Variants in SNX24 observed in about 807,000 individuals in gnomAD.
SNX24 encodes sorting nexin 24.
SNX24 carries 22 observed loss-of-function variants against 28.7 expected under a neutral mutation model. The observed-to-expected ratio is 0.77, with a 90% CI of 0.55 to 1.10. The LOEUF is 1.10. Among genes scored for constraint, SNX24 ranks in the 50% least tolerant of loss-of-function variants. The pLI, the probability that SNX24 is intolerant of heterozygous loss-of-function variation, is 0.00. For synonymous variants in SNX24, 69 were observed against 71.5 expected (o/e 0.96, Z 0.18); for missense variants, 221 against 201.1 (o/e 1.10, Z -0.60).
In SNX24 at chr5:123,001,433, T is replaced by C. The variant is rs200085260; in HGVS notation, c.373T>C (p.Ser125Pro). ...TTTTGATGAAACAGAGTCTGAAGAG[T>C]CAAGGTAAGGACTAATCCTCATCAG... Reference protein sequence around the residue: ...GSFDETESEESSKLSHQPVLL... With the variant: ...GSFDETESEEPSKLSHQPVLL... The change falls in exon 5 of 7, where the codon TCA (serine) becomes CCA (proline). Residue 125 changes from serine to proline, a missense_variant. By Grantham distance (74) the Ser-to-Pro change is moderately conservative. Coordinates refer to ENST00000261369, the MANE Select transcript of SNX24 (RefSeq NM_014035.4). The C allele has an allele frequency of 7.2e-5, 116 of 1,605,366 alleles. No individual in the cohort carries two copies. Among genetic ancestry groups the C allele is most frequent in the Non-Finnish European group, 9.6e-5 (113 of 1,173,000 alleles).
intron 1 of SNX24, among the ~76,000 whole-genome samples, chr5:122,896,865 A>C (rs1757225804): frequency 6.6e-6 from 1 of 152,200 alleles, no homozygotes; most frequent in Admixed American, 6.5e-5. Context: ...CTTCAGCCAA[A>C]CATTGATCTT....
At chr5:122,925,223 C>G (rs1758636763) in intron 1 of SNX24, among the ~76,000 whole-genome samples, 2 of 103,626 alleles carry the variant, frequency 1.9e-5, no homozygotes, top group Admixed American at 1.0e-4. Flanking sequence ...TCCCCTCCCC[C>G]TTCCCTCCCT....
chr5:123,013,464 G>C (rs541768239), downstream of SNX24, among the ~76,000 whole-genome samples: 5 of 152,326 alleles, frequency 3.3e-5, no homozygotes, highest in African/African-American at 1.2e-4. Flanking sequence ...GGAAACACAG[G>C]GAAGTAGCAG....
intron 2 of SNX24, among the ~76,000 whole-genome samples, chr5:122,940,190 C>T (rs970862897): frequency 6.6e-5 from 10 of 152,016 alleles, no homozygotes; most frequent in African/African-American, 1.4e-4. Flanking sequence ...GACAGTGTTT[C>T]GCCATGTTGG....
intron 1 of SNX24, among the ~76,000 whole-genome samples, chr5:122,870,626 G>A (rs1169279783): frequency 6.6e-6 from 1 of 152,206 alleles, no homozygotes; most frequent in Non-Finnish European, 1.5e-5. Context: ...AATGACAAAC[G>A]CGTGTGCATG....
intron 1 of SNX24, among the ~76,000 whole-genome samples, chr5:122,882,379 A>G (rs188374636): frequency 1.4e-4 from 22 of 152,330 alleles, no homozygotes; most frequent in Admixed American, 9.8e-4. Flanking sequence ...TTTAGAGTAT[A>G]TGGTAGAGCC....
intron 1 of SNX24, among the ~76,000 whole-genome samples, chr5:122,897,563 G>C (rs1000892314): frequency 2.6e-5 from 4 of 152,122 alleles, no homozygotes; most frequent in Non-Finnish European, 5.9e-5. Context: ...TCAGGGGATG[G>C]AGTGGGGATT....
chr5:122,983,340 TTTCTC>T (rs1467847957), intron 3 of SNX24, among the ~76,000 whole-genome samples: 1 of 152,164 alleles, frequency 6.6e-6, no homozygotes, highest in Non-Finnish European at 1.5e-5. Context: ...CACCTTATAA[TTTCTC>T]TTCTCTTTTG....
intron 3 of SNX24, among the ~76,000 whole-genome samples, chr5:122,987,013 G>A (rs1761632358): frequency 6.6e-6 from 1 of 152,136 alleles, no homozygotes. Context: ...GATGGAAGGA[G>A]GGACGTTTTC....
At chr5:122,964,549 T>C (rs1278354577) in intron 3 of SNX24, among the ~76,000 whole-genome samples, 1 of 152,176 alleles carries the variant, frequency 6.6e-6, no homozygotes, top group African/African-American at 2.4e-5. Flanking sequence ...TATAATGCTT[T>C]GTAAATTCCT....
chr5:123,010,399 C>G (rs947977253), downstream of SNX24, among the ~76,000 whole-genome samples: 1 of 151,868 alleles, frequency 6.6e-6, no homozygotes, highest in Non-Finnish European at 1.5e-5. Context: ...CAAGCATTCT[C>G]TGCCTCAGTC....
At chr5:123,007,204 C>G (rs1042871042) in intron 6 of SNX24, among the ~76,000 whole-genome samples, 1 of 152,190 alleles carries the variant, frequency 6.6e-6, no homozygotes, top group Non-Finnish European at 1.5e-5. Context: ...TCTTACTGCT[C>G]TCTTTCGAAG....
At chr5:122,990,619 G>T (rs748696024) in intron 3 of SNX24, among the ~76,000 whole-genome samples, 1 of 152,210 alleles carries the variant, frequency 6.6e-6, no homozygotes, top group Non-Finnish European at 1.5e-5. Flanking sequence ...CATATGGGCT[G>T]TGCTAATTGT....
chr5:122,954,534 G>C (rs532792779), intron 3 of SNX24, among the ~76,000 whole-genome samples: 13 of 145,674 alleles, frequency 8.9e-5, no homozygotes, highest in South Asian at 4.3e-4. Flanking sequence ...TCTTTCTATT[G>C]TTCCCCCATT....
At chr5:122,942,118 G>T (rs1051762307) in intron 2 of SNX24, among the ~76,000 whole-genome samples, 1 of 152,220 alleles carries the variant, frequency 6.6e-6, no homozygotes, top group African/African-American at 2.4e-5. Flanking sequence ...AGTCTTTTCA[G>T]TGTGGCAAAC....
In SNX24 at chr5:122,898,538, G is replaced by A. The variant is rs555606588; in HGVS notation, c.61-38196G>A. On this transcript the variant is annotated intron_variant, in intron 1 of 6. Coordinates refer to ENST00000261369, the MANE Select transcript of SNX24 (RefSeq NM_014035.4). The stretch of plus-strand genomic sequence containing the variant: ...CACTATGGCAGCACTCTGAGTTTGT[G>A]TATAGGCAGAGCTCAGATTTTCTCC... Among the ~76,000 whole-genome samples, 62 of 152,302 alleles carry A rather than the reference G, an allele frequency of 4.1e-4. 1 individual carries two copies. The highest frequency in any genetic ancestry group is 3.5e-3 in the South Asian group (17 of 4,826).
intron 5 of SNX24, among the ~76,000 whole-genome samples, chr5:123,016,513 T>C (rs1346297931): frequency 6.6e-6 from 1 of 152,162 alleles, no homozygotes; most frequent in Non-Finnish European, 1.5e-5. Context: ...TCACACTTTA[T>C]CTGAGTTATT....
At chr5:122,873,150 T>C (rs1184104437) in intron 1 of SNX24, among the ~76,000 whole-genome samples, 1 of 152,048 alleles carries the variant, frequency 6.6e-6, no homozygotes, top group Non-Finnish European at 1.5e-5. Flanking sequence ...TTTTTTGTAT[T>C]TTTTTCTAGA....
intron 3 of SNX24, among the ~76,000 whole-genome samples, chr5:122,968,183 A>G (rs1197225167): frequency 6.6e-6 from 1 of 152,126 alleles, no homozygotes; most frequent in Non-Finnish European, 1.5e-5. Flanking sequence ...CATCTCTACT[A>G]AAAATACAAA....
Sources: gnomAD v4.1 joint callset for allele counts (sites outside exome capture counted in the v4.1 genomes callset) on GRCh38, gnomAD v4.1.1 for gene constraint, MANE v1.5 for transcripts, NCBI Gene and HGNC (gene_info 2026-07-23, HGNC 2026-07-21) for gene names.